The following RGS13 variants were observed in gnomAD, a reference collection of about 807,000 sequenced individuals.
RGS13 encodes regulator of G protein signaling 13.
A neutral mutation model predicts 19.9 loss-of-function variants in RGS13; 14 were observed. The ratio of observed to expected loss-of-function variants is 0.70; its 90% CI spans 0.46 to 1.10. RGS13 has a LOEUF of 1.10. RGS13 is among the 50% of genes least tolerant of loss of function. The pLI is 0.00. For missense variants in RGS13, 205 were observed against 187.1 expected, an observed-to-expected ratio of 1.10 and a Z score of -0.56; for synonymous variants, 60 against 56.8, an observed-to-expected ratio of 1.06 and a Z score of -0.25.
At chr1:192,647,091 T>C (rs1286618290) in intron 4 of RGS13, 1 of 152,190 alleles carries the variant, frequency 6.6e-6, no homozygotes, top group Non-Finnish European at 1.5e-5. Flanking sequence ...ATACTAGCTT[T>C]AGGGTTACTA....
chr1:192,655,600 T>C (rs1337611994), intron 5 of RGS13, among the ~76,000 whole-genome samples: 1 of 152,038 alleles, frequency 6.6e-6, no homozygotes, highest in Non-Finnish European at 1.5e-5. Context: ...ACAAGTTCAA[T>C]GGCCAATGCT....
intron 5 of RGS13, among the ~76,000 whole-genome samples, chr1:192,656,575 A>C (rs984596312): frequency 3.3e-5 from 5 of 152,008 alleles, no homozygotes; most frequent in African/African-American, 9.7e-5. Context: ...GGAATATCTA[A>C]TCTATATCAT....
chr1:192,654,524 C>T (rs1289350016), intron 5 of RGS13, among the ~76,000 whole-genome samples: 1 of 151,936 alleles, frequency 6.6e-6, no homozygotes, highest in Non-Finnish European at 1.5e-5. Flanking sequence ...CTGTAAAACT[C>T]CACACATACT....
intron 3 of RGS13, among the ~76,000 whole-genome samples, chr1:192,642,322 CTTT>C (rs200314337): frequency 1.6e-4 from 22 of 136,566 alleles, no homozygotes; most frequent in East Asian, 6.5e-4. Context: ...AACATAATTC[CTTT>C]TTTTTTTTTT....
intron 3 of RGS13, among the ~76,000 whole-genome samples, chr1:192,640,801 G>GT (rs1201152940): frequency 6.6e-6 from 1 of 152,102 alleles, no homozygotes; most frequent in Non-Finnish European, 1.5e-5. Flanking sequence ...CAAGAGAATA[G>GT]TAACTATTTC....
Position 192,659,448 on chromosome 1 carries a change from T to A in RGS13, c.405T>A (p.Asp135Glu). The change falls in exon 7 of 7, where the codon GAT (aspartate) becomes GAA (glutamate). Residue 135 changes from aspartate (D) to glutamate (E), a missense_variant. By Grantham distance (45) the Asp-to-Glu change is conservative. Coordinates refer to ENST00000391995, the MANE Select transcript of RGS13 (RefSeq NM_002927.5). ...TAGTCTATATGCATATGGAAAGGGA[T>A]TCCTACCCCAGATTTCTAAAGTCAG... ...QKIVYMHMER[D>E]SYPRFLKSEM... is the part of the protein sequence containing the mutation. The A allele has an allele frequency of 6.2e-7, 1 of 1,612,990 alleles. No individual in the cohort carries two copies. The highest frequency in any genetic ancestry group is 8.5e-7 in the Non-Finnish European group (1 of 1,179,418).
At chr1:192,659,194 C>T in intron 6 of RGS13, 144 bp from the exon 7 acceptor site, 1 of 486,810 alleles carries the variant, frequency 2.1e-6, no homozygotes, top group Non-Finnish European at 3.6e-6. Flanking sequence ...TTTTATATAT[C>T]TTCTTAGATG....
At chr1:192,640,187 T>G (rs1408598687) in intron 3 of RGS13, among the ~76,000 whole-genome samples, 3 of 152,118 alleles carry the variant, frequency 2.0e-5, no homozygotes, top group African/African-American at 7.2e-5. Context: ...ATCCTCCTAC[T>G]TAGAAGATAA....
At chr1:192,648,563 T>C (rs1174511411) in intron 5 of RGS13, among the ~76,000 whole-genome samples, 1 of 152,066 alleles carries the variant, frequency 6.6e-6, no homozygotes, top group African/African-American at 2.4e-5. Flanking sequence ...GTCAATTGCG[T>C]TTGGGGTCAG....
chr1:192,655,748 A>C (rs1385341936), intron 5 of RGS13, among the ~76,000 whole-genome samples: 1 of 152,118 alleles, frequency 6.6e-6, no homozygotes, highest in Non-Finnish European at 1.5e-5. Flanking sequence ...CTGTATATCT[A>C]TGCAGTATAT....
intron 1 of RGS13, among the ~76,000 whole-genome samples, chr1:192,637,142 G>A (rs576752649): frequency 2.5e-4 from 38 of 151,830 alleles, no homozygotes; most frequent in East Asian, 2.1e-3. Flanking sequence ...AGATTCTATC[G>A]GTGAAATGTA....
chr1:192,644,371 A>G lies in RGS13; in HGVS notation c.37A>G (p.Arg13Gly). Reference protein sequence around the residue: ...RRNCWICKMCRDESKRPPSNL... With the variant: ...RRNCWICKMCGDESKRPPSNL... ...GAATTGTTGGATTTGTAAGATGTGC[A>G]GAGATGAATCTAAGAGGCCCCCTTC... The change falls in exon 4 of 7, where the codon AGA (arginine) becomes GGA (glycine). Residue 13 changes from arginine (R) to glycine (G), a missense_variant. Coordinates refer to ENST00000391995, the MANE Select transcript of RGS13 (RefSeq NM_002927.5). 1 of 1,612,256 alleles carries G rather than the reference A, an allele frequency of 6.2e-7. No individual in the cohort carries two copies. The highest frequency in any genetic ancestry group is 8.5e-7 in the Non-Finnish European group (1 of 1,178,708).
At chr1:192,641,827 G>A (rs1001664040) in intron 3 of RGS13, among the ~76,000 whole-genome samples, 2 of 152,038 alleles carry the variant, frequency 1.3e-5, no homozygotes, top group African/African-American at 4.8e-5. Context: ...TATGAAAATA[G>A]CCCACCTTTA....
chr1:192,644,527 G>A (rs1663182061), intron 4 of RGS13, 128 bp downstream of exon 4: 3 of 700,434 alleles, frequency 4.3e-6, no homozygotes, highest in Non-Finnish European at 7.5e-6. Flanking sequence ...TTACACGTGA[G>A]TCATTTCATC....
intron 3 of RGS13, among the ~76,000 whole-genome samples, chr1:192,640,235 C>A (rs1180136885): frequency 1.3e-5 from 2 of 152,074 alleles, no homozygotes; most frequent in Admixed American, 1.3e-4. Context: ...TATAGGTGAT[C>A]ACAGAGATGA....
chr1:192,655,479 A>G (rs907331070), intron 5 of RGS13, among the ~76,000 whole-genome samples: 1 of 152,044 alleles, frequency 6.6e-6, no homozygotes, highest in Non-Finnish European at 1.5e-5. Flanking sequence ...TTTCTAGAAT[A>G]TGCTCTTCTT....
intron 6 of RGS13, 161 bp downstream of exon 6, chr1:192,658,528 ACT>A (rs1159307979): frequency 1.7e-6 from 1 of 584,544 alleles, no homozygotes. Flanking sequence ...GAAACCTGAG[ACT>A]CTGAGAACTT....
chr1:192,638,428 T>G (rs75518206), intron 3 of RGS13, among the ~76,000 whole-genome samples: 4,996 of 152,188 alleles, frequency 0.033, 217 homozygotes, highest in East Asian at 0.11. Flanking sequence ...AAGTATTTTT[T>G]AATTTATCTC....
Position 192,659,469 on chromosome 1 carries a change from G to A in RGS13, c.426G>A (p.Lys142=). ...MERDSYPRFL[K]SEMYQKLLKT... Reference sequence around the variant, plus strand: ...GGGATTCCTACCCCAGATTTCTAAAGTCAGAAATGTACCAAAAACTTTTGA... The same window carrying A: ...GGGATTCCTACCCCAGATTTCTAAAATCAGAAATGTACCAAAAACTTTTGA... Residue 142 remains lysine, a synonymous_variant, in exon 7 of 7, where the codon AAG becomes AAA. Transcript: ENST00000391995. The A allele has an allele frequency of 6.2e-7, 1 of 1,612,612 alleles. No individual in the cohort carries two copies. Among genetic ancestry groups the A allele is most frequent in the Non-Finnish European group, 8.5e-7 (1 of 1,179,310 alleles).
Sources: gnomAD v4.1 joint callset for allele counts (sites outside exome capture counted in the v4.1 genomes callset) on GRCh38, gnomAD v4.1.1 for gene constraint, MANE v1.5 for transcripts, NCBI Gene and HGNC (gene_info 2026-07-23, HGNC 2026-07-21) for gene names.